MARCHF8: variants seen among roughly 807,000 people sequenced by gnomAD.
The protein encoded by MARCHF8 is E3 ubiquitin-protein ligase MARCHF8.
A neutral mutation model predicts 51.6 loss-of-function variants in MARCHF8; 40 were observed. That is an observed-to-expected ratio of 0.77 (90% CI 0.60 to 1.01). The LOEUF is 1.01. Ranked by LOEUF, MARCHF8 falls within the 50% of genes least tolerant of loss-of-function variation. The pLI is 0.00. For missense variants in MARCHF8, 685 were observed against 708.6 expected (o/e 0.97, Z 0.38); for synonymous variants, 263 against 280.3 (o/e 0.94, Z 0.62).
intron 1 of MARCHF8, among the ~76,000 whole-genome samples, chr10:45,589,550 G>C (rs2044655240): frequency 6.6e-6 from 1 of 152,142 alleles, no homozygotes; most frequent in Non-Finnish European, 1.5e-5. Flanking sequence ...CTCTTTAGCT[G>C]TCAAACCCCC....
chr10:45,575,616 T>C (rs2044480456), intron 1 of MARCHF8, among the ~76,000 whole-genome samples: 1 of 152,158 alleles, frequency 6.6e-6, no homozygotes, highest in Non-Finnish European at 1.5e-5. Flanking sequence ...CCATTATCTA[T>C]CCATACCAGC....
At chr10:45,576,147 C>T (rs1654403644) in intron 1 of MARCHF8, among the ~76,000 whole-genome samples, 1 of 152,172 alleles carries the variant, frequency 6.6e-6, no homozygotes, top group Non-Finnish European at 1.5e-5. Flanking sequence ...GAGTACTGTG[C>T]TGGCCTAAAG....
intron 2 of MARCHF8, among the ~76,000 whole-genome samples, chr10:45,503,235 T>C (rs1365651891): frequency 6.6e-6 from 1 of 152,070 alleles, no homozygotes; most frequent in African/African-American, 2.4e-5. Context: ...GAACTGACTT[T>C]TTAAAAAAAC....
At position 45,535,251 on chromosome 10, in the gene MARCHF8, A is replaced by T. The variant is rs1332626172; in HGVS notation, c.-119T>A. On this transcript the variant is annotated 5_prime_UTR_variant, in exon 1 of 8. Transcript: ENST00000453424. Reference sequence around the variant, plus strand: ...TACTCCCTGGGAGATCACAATAGTCAGTGGTAAGCAGTTTTTTCATCACTA... The same window carrying T: ...TACTCCCTGGGAGATCACAATAGTCTGTGGTAAGCAGTTTTTTCATCACTA... 6.6e-6 allele frequency: 1 copy of T among 152,248 alleles called. No homozygotes were observed. The allele number at this position is 152,248 out of a possible 1,614,324, so 9.4% of individuals were successfully genotyped here.
At chr10:45,561,163 T>TA (rs1189103432) in intron 1 of MARCHF8, among the ~76,000 whole-genome samples, 1 of 151,366 alleles carries the variant, frequency 6.6e-6, no homozygotes, top group Non-Finnish European at 1.5e-5. Context: ...AAGCTCACAA[T>TA]AAAAAAATTA....
chr10:45,529,390 A>T (rs545323302), intron 2 of MARCHF8, among the ~76,000 whole-genome samples: 1 of 152,048 alleles, frequency 6.6e-6, no homozygotes, highest in Non-Finnish European at 1.5e-5. Flanking sequence ...CCTAGGAAAA[A>T]CTCTTCTGGA....
Position 45,458,911 on chromosome 10 carries a change from C to T in MARCHF8, c.1417+209G>A, listed in dbSNP as rs545356671. ...ATAGGATGTAGTTTGCGGAGATTCTCATGCTCCAGAATATGAACTCTCCTG... is the reference window on the plus strand; with the variant it reads ...ATAGGATGTAGTTTGCGGAGATTCTTATGCTCCAGAATATGAACTCTCCTG... On this transcript the variant is annotated intron_variant, in intron 7 of 7. Transcript: ENST00000453424. Among the ~76,000 whole-genome samples the T allele has an allele frequency of 2.6e-5, 4 of 152,332 alleles. No individual in the cohort carries two copies. The East Asian group carries it at 7.7e-4, about 29-fold the overall frequency.
chr10:45,554,114 A>G (rs1302438263), intron 1 of MARCHF8, among the ~76,000 whole-genome samples: 1 of 152,246 alleles, frequency 6.6e-6, no homozygotes, highest in Non-Finnish European at 1.5e-5. Flanking sequence ...GTTTTACCAG[A>G]CATCCCTATA....
chr10:45,562,135 A>G (rs574593011), intron 1 of MARCHF8, among the ~76,000 whole-genome samples: 1 of 152,244 alleles, frequency 6.6e-6, no homozygotes, highest in Admixed American at 6.5e-5. Flanking sequence ...CACTAAAGAG[A>G]TTAAGGGACA....
chr10:45,501,397 T>A (rs1335473616), intron 2 of MARCHF8, among the ~76,000 whole-genome samples: 1 of 152,088 alleles, frequency 6.6e-6, no homozygotes, highest in Non-Finnish European at 1.5e-5. Context: ...CAACTGATTT[T>A]TAAGAAAGCA....
chr10:45,591,032 T>A (rs1318018999), intron 1 of MARCHF8, among the ~76,000 whole-genome samples: 1 of 152,218 alleles, frequency 6.6e-6, no homozygotes, highest in African/African-American at 2.4e-5. Context: ...TTCTTTGTAA[T>A]TCTCCCCACC....
chr10:45,511,689 C>T (rs1351776881), intron 2 of MARCHF8, among the ~76,000 whole-genome samples: 5 of 152,236 alleles, frequency 3.3e-5, no homozygotes, highest in South Asian at 2.1e-4. Context: ...GGATTGCAGA[C>T]GGAGTCTGGT....
At chr10:45,573,630 G>A (rs1384231572) in intron 1 of MARCHF8, among the ~76,000 whole-genome samples, 1 of 152,174 alleles carries the variant, frequency 6.6e-6, no homozygotes, top group Non-Finnish European at 1.5e-5. Context: ...CCGGCCCAAG[G>A]CTCTCTGACT....
intron 1 of MARCHF8, among the ~76,000 whole-genome samples, chr10:45,544,375 A>G (rs1286795315): frequency 6.6e-6 from 1 of 152,238 alleles, no homozygotes; most frequent in Non-Finnish European, 1.5e-5. Context: ...CTTGGAATTC[A>G]TCCAAGAGAT....
Position 45,492,806 on chromosome 10 carries a change from T to G in MARCHF8, c.103-3389A>C, listed in dbSNP as rs1238500068. The stretch of plus-strand genomic sequence containing the variant: ...CTCACTCCTAACCATATGCCAATGA[T>G]AATATTGAGAATCCCTTATTTGAAA... On this transcript the variant is annotated intron_variant, in intron 2 of 7. Coordinates refer to ENST00000453424, the MANE Select transcript of MARCHF8 (RefSeq NM_001282866.2). Among the ~76,000 whole-genome samples the G allele has an allele frequency of 2.6e-5, 4 of 152,208 alleles. No individual in the cohort carries two copies. The East Asian group carries it at 5.8e-4, about 22-fold the overall frequency.
chr10:45,495,655 G>A (rs1449292091), intron 2 of MARCHF8, among the ~76,000 whole-genome samples: 4 of 151,012 alleles, frequency 2.6e-5, no homozygotes, highest in African/African-American at 4.9e-5. Context: ...CCCTGTCTAG[G>A]AGGAGTTTTA....
Position 45,463,194 on chromosome 10 carries a change from A to T in MARCHF8, c.1045T>A (p.Leu349Ile). The T allele has an allele frequency of 6.4e-7, 1 of 1,550,552 alleles. No homozygotes were observed. The highest frequency in any genetic ancestry group is 8.7e-7 in the Non-Finnish European group (1 of 1,146,992). Residue 349 changes from leucine (L) to isoleucine (I), a missense_variant, in exon 5 of 8, where the codon TTA (leucine) becomes ATA (isoleucine). Transcript: ENST00000453424. Reference protein sequence around the residue: ...LDCPSPFSEKLPPISPVSTSG... With the variant: ...LDCPSPFSEKIPPISPVSTSG... The stretch of plus-strand genomic sequence containing the variant: ...GTGGACACGGGAGATATGGGGGGTA[A>T]TTTTTCAGAGAAGGGAGAAGGACAA...
intron 2 of MARCHF8, among the ~76,000 whole-genome samples, chr10:45,503,536 C>T (rs545825320): frequency 3.0e-4 from 43 of 144,954 alleles, no homozygotes; most frequent in African/African-American, 1.1e-3. Context: ...GACTCCGTCT[C>T]AAATAAATAA....
chr10:45,512,950 T>C (rs2043556142), intron 2 of MARCHF8, among the ~76,000 whole-genome samples: 1 of 151,754 alleles, frequency 6.6e-6, no homozygotes, highest in Non-Finnish European at 1.5e-5. Flanking sequence ...CTCTGAAACA[T>C]GTGCTGTGTC....
Sources: gnomAD v4.1 joint callset for allele counts (sites outside exome capture counted in the v4.1 genomes callset) on GRCh38, gnomAD v4.1.1 for gene constraint, MANE v1.5 for transcripts, NCBI Gene and HGNC (gene_info 2026-07-23, HGNC 2026-07-21) for gene names.